Variants in MACROD2 observed in about 807,000 individuals in gnomAD.
MACROD2 encodes ADP-ribose glycohydrolase MACROD2.
MACROD2 carries 36 observed loss-of-function variants against 70.4 expected under a neutral mutation model. The observed-to-expected ratio is 0.51, with a 90% confidence interval of 0.39 to 0.68. MACROD2 has a LOEUF of 0.68. MACROD2 is among the 30% of genes least tolerant of loss of function. The pLI, the probability that MACROD2 is intolerant of heterozygous loss-of-function variation, is 0.00. For synonymous variants in MACROD2, 172 were observed against 178.8 expected, an observed-to-expected ratio of 0.96 and a Z score of 0.30; for missense variants, 496 against 538.4, an observed-to-expected ratio of 0.92 and a Z score of 0.78.
At chr20:14,207,259 A>T (rs1242158342) in intron 3 of MACROD2, among the ~76,000 whole-genome samples, 1 of 151,908 alleles carries the variant, frequency 6.6e-6, no homozygotes, top group Non-Finnish European at 1.5e-5. Context: ...CCCTACGCCC[A>T]GCTAATTTTT....
intron 3 of MACROD2, among the ~76,000 whole-genome samples, chr20:14,413,778 A>G (rs2083774017): frequency 6.6e-6 from 1 of 152,168 alleles, no homozygotes; most frequent in Non-Finnish European, 1.5e-5. Context: ...ATGTGATGAA[A>G]ACTTTTGCTG....
intron 3 of MACROD2, among the ~76,000 whole-genome samples, chr20:14,109,099 C>G (rs753915508): frequency 6.6e-6 from 1 of 151,896 alleles, no homozygotes; most frequent in Non-Finnish European, 1.5e-5. Context: ...AACTAGAAAT[C>G]AACAACAAGA....
intron 3 of MACROD2, among the ~76,000 whole-genome samples, chr20:14,467,336 A>T (rs6110300): frequency 1.3e-5 from 2 of 152,106 alleles, no homozygotes; most frequent in African/African-American, 4.8e-5. Flanking sequence ...CCTCCGAGCC[A>T]GTTGCGGGAT....
At chr20:15,914,890 G>A (rs1304581045) in intron 10 of MACROD2, among the ~76,000 whole-genome samples, 2 of 152,072 alleles carry the variant, frequency 1.3e-5, no homozygotes, top group Admixed American at 1.3e-4. Context: ...TTGCTGGAAT[G>A]GGTCACAGAG....
chr20:15,123,015 G>A (rs6043104), intron 5 of MACROD2, among the ~76,000 whole-genome samples: 3 of 152,114 alleles, frequency 2.0e-5, no homozygotes, highest in Non-Finnish European at 4.4e-5. Flanking sequence ...CTGCTCAATA[G>A]GGTAGCCCAA....
At chr20:14,374,367 C>G (rs895126960) in intron 3 of MACROD2, among the ~76,000 whole-genome samples, 3 of 152,082 alleles carry the variant, frequency 2.0e-5, no homozygotes, top group Non-Finnish European at 4.4e-5. Flanking sequence ...CAAAATACTG[C>G]GGAGCTTTAA....
chr20:15,084,765 A>G (rs557100859), intron 5 of MACROD2, among the ~76,000 whole-genome samples: 2 of 152,314 alleles, frequency 1.3e-5, no homozygotes, highest in African/African-American at 4.8e-5. Flanking sequence ...AAATGTAATT[A>G]AATTTGGACT....
intron 5 of MACROD2, among the ~76,000 whole-genome samples, chr20:14,721,383 C>T (rs895069999): frequency 2.0e-5 from 3 of 151,898 alleles, no homozygotes; most frequent in Admixed American, 2.0e-4. Context: ...GGTGACAGAG[C>T]GAGATACTGT....
At chr20:14,479,255 G>T (rs1426828226) in intron 3 of MACROD2, among the ~76,000 whole-genome samples, 3 of 152,120 alleles carry the variant, frequency 2.0e-5, no homozygotes, top group Non-Finnish European at 2.9e-5. Flanking sequence ...TGTTGGAGAG[G>T]AAAGTCAGGT....
At chr20:14,062,817 A>T (rs1181307178) in intron 2 of MACROD2, among the ~76,000 whole-genome samples, 2 of 152,220 alleles carry the variant, frequency 1.3e-5, no homozygotes, top group African/African-American at 4.8e-5. Context: ...ACAGAATCTA[A>T]TGAAATCTGA....
In MACROD2 at chr20:15,623,239, C is replaced by G. The variant is rs142904222; in HGVS notation, c.645+123392C>G. Among the ~76,000 whole-genome samples, 295 of 152,248 alleles carry G rather than the reference C, an allele frequency of 1.9e-3. 2 individuals are homozygous for G. Among genetic ancestry groups the G allele is most frequent in the African/African-American group, 6.4e-3 (267 of 41,534 alleles). On this transcript the variant is annotated intron_variant, in intron 8 of 17. Coordinates refer to ENST00000684519, the MANE Select transcript of MACROD2 (RefSeq NM_001351661.2). ...TAACTAGAGTTCAATCTAATGTAAA[C>G]TATATACAAAAGCCAGATAGCAATC...
At chr20:14,820,650 G>T (rs2072833365) in intron 5 of MACROD2, among the ~76,000 whole-genome samples, 2 of 151,938 alleles carry the variant, frequency 1.3e-5, no homozygotes, top group South Asian at 4.1e-4. Flanking sequence ...ATCTTGTATT[G>T]TCATTAGCCA....
chr20:15,546,518 T>C (rs575807259), intron 8 of MACROD2, among the ~76,000 whole-genome samples: 12 of 152,314 alleles, frequency 7.9e-5, no homozygotes, highest in African/African-American at 2.9e-4. Context: ...GGGTTAAAAA[T>C]GAAGTTGTTC....
rs577416217 is a variant in MACROD2, at chr20:15,510,916, C to T, written c.645+11069C>T. Reference sequence around the variant, plus strand: ...AAGCCCCAACCTTTTAGTGAGGAGACTATTCATTTGCAAGAAGCAGAGAAT... The same window carrying T: ...AAGCCCCAACCTTTTAGTGAGGAGATTATTCATTTGCAAGAAGCAGAGAAT... On this transcript the variant is annotated intron_variant, in intron 8 of 17. Coordinates refer to ENST00000684519, the MANE Select transcript of MACROD2 (RefSeq NM_001351661.2). Among the ~76,000 whole-genome samples the T allele has an allele frequency of 7.2e-5, 11 of 152,300 alleles. No individual in the cohort carries two copies. The South Asian group carries it at 1.0e-3, about 14-fold the overall frequency.
chr20:14,831,819 A>C (rs1179313914), intron 5 of MACROD2, among the ~76,000 whole-genome samples: 2 of 147,464 alleles, frequency 1.4e-5, no homozygotes, highest in African/African-American at 5.0e-5. Flanking sequence ...CAACAACACA[A>C]GATATCTGGC....
chr20:15,223,545 A>G (rs1317369200), intron 5 of MACROD2, among the ~76,000 whole-genome samples: 1 of 152,236 alleles, frequency 6.6e-6, no homozygotes, highest in Non-Finnish European at 1.5e-5. Flanking sequence ...TTGTGTTTAC[A>G]ATTAATACTA....
chr20:14,423,882 C>A (rs1010506837), intron 3 of MACROD2, among the ~76,000 whole-genome samples: 1 of 150,534 alleles, frequency 6.6e-6, no homozygotes, highest in South Asian at 2.1e-4. Flanking sequence ...CCTGGCCCAG[C>A]CTCCCGAGTA....
At chr20:14,859,219 A>T (rs1450831600) in intron 5 of MACROD2, among the ~76,000 whole-genome samples, 1 of 152,080 alleles carries the variant, frequency 6.6e-6, no homozygotes, top group Non-Finnish European at 1.5e-5. Flanking sequence ...TGTACCCCAA[A>T]AACTATTGAA....
intron 6 of MACROD2, among the ~76,000 whole-genome samples, chr20:15,384,280 CAG>C (rs1326394014): frequency 6.6e-6 from 1 of 151,798 alleles, no homozygotes; most frequent in Non-Finnish European, 1.5e-5. Context: ...CTTTTTGAGA[CAG>C]AGTCTCACTC....
Sources: gnomAD v4.1 joint callset for allele counts (sites outside exome capture counted in the v4.1 genomes callset) on GRCh38, gnomAD v4.1.1 for gene constraint, MANE v1.5 for transcripts, NCBI Gene and HGNC (gene_info 2026-07-23, HGNC 2026-07-21) for gene names.